The following C1orf94 variants were observed in gnomAD, a reference collection of about 807,000 sequenced individuals.
The protein encoded by C1orf94 is chromosome 1 open reading frame 94.
In C1orf94, 45 loss-of-function variants were observed where a neutral mutation model predicts 53.6. That is an observed-to-expected ratio of 0.84 (90% CI 0.66 to 1.08). The LOEUF (loss-of-function observed/expected upper bound fraction) is 1.08, where lower values mean the gene tolerates loss of function less well. Among genes scored for constraint, C1orf94 ranks in the 50% least tolerant of loss-of-function variants. The pLI, the probability that C1orf94 is intolerant of heterozygous loss-of-function variation, is 0.00. For missense variants in C1orf94, 762 were observed against 738.9 expected (o/e 1.03, Z -0.36); for synonymous variants, 304 against 296.1 (o/e 1.03, Z -0.27).
chr1:34,185,185 T>G (rs1237860064), intron 1 of C1orf94, among the ~76,000 whole-genome samples: 1 of 152,128 alleles, frequency 6.6e-6, no homozygotes. Context: ...TTTTTAAATT[T>G]ATTTTTATTT....
intron 4 of C1orf94, among the ~76,000 whole-genome samples, chr1:34,207,140 G>C (rs934013374): frequency 6.6e-6 from 1 of 152,314 alleles, no homozygotes; most frequent in Non-Finnish European, 1.5e-5. Flanking sequence ...CTTCTGAGAA[G>C]ATGTCCTGGG....
chr1:34,191,642 A>G (rs1479255634), intron 1 of C1orf94, among the ~76,000 whole-genome samples: 3 of 152,188 alleles, frequency 2.0e-5, no homozygotes, highest in Non-Finnish European at 2.9e-5. Context: ...TGCCTTGGGT[A>G]CTGTGTTTGT....
At chr1:34,171,988 T>C (rs1435874075), upstream of C1orf94, among the ~76,000 whole-genome samples, 1 of 152,222 alleles carries the variant, frequency 6.6e-6, no homozygotes. Flanking sequence ...TACTTTTTAA[T>C]CTGAAAGCTG....
chr1:34,184,511 T>C (rs945104539), intron 1 of C1orf94, among the ~76,000 whole-genome samples: 12 of 152,334 alleles, frequency 7.9e-5, no homozygotes, highest in African/African-American at 2.4e-4. Context: ...GGTAGGGAGA[T>C]AAATCTACTG....
chr1:34,199,613 T>G (rs1300880872), intron 2 of C1orf94, among the ~76,000 whole-genome samples: 1 of 152,206 alleles, frequency 6.6e-6, no homozygotes, highest in East Asian at 1.9e-4. Context: ...TCCAGACAGA[T>G]CCCGGTGCCT....
chr1:34,197,331 G>A lies in C1orf94; in HGVS notation c.427G>A (p.Glu143Lys). The change falls in exon 2 of 7, where the codon GAG becomes AAG. Residue 143 changes from glutamate to lysine, a missense_variant. Glu to Lys is a moderately conservative substitution (Grantham distance 56, BLOSUM62 1). Transcript: ENST00000488417. The surrounding 1 kb of genome is among the most constrained non-coding windows in gnomAD (Gnocchi z 4.1). ...GATCCTGGTCGAAGAGAGTTCTGGG[G>A]AGCTGGAGGTACCCGGCAGCTCTCC... The part of the protein sequence containing the change: ...HSILVEESSG[E>K]LEVPGSSPEG... 1 of 1,581,012 alleles carries A rather than the reference G, an allele frequency of 6.3e-7. No homozygotes were observed. Among genetic ancestry groups the A allele is most frequent in the Non-Finnish European group, 8.6e-7 (1 of 1,163,012 alleles).
At position 34,212,378 on chromosome 1, in the gene C1orf94, C is replaced by T. The variant is rs369216694; in HGVS notation, c.1693C>T (p.Pro565Ser). The T allele has an allele frequency of 8.7e-6, 14 of 1,611,168 alleles. No homozygotes were observed. In the African/African-American group the frequency reaches 9.4e-5, roughly 11 times the overall value. The stretch of plus-strand genomic sequence containing the variant: ...CCCTCCCCTAATGGCAGGAGATGGA[C>T]CGCAGTACCTCTTTCCCCAAGGATA... Reference protein sequence around the residue: ...RDPPLMAGDGPQYLFPQGYGF... With the variant: ...RDPPLMAGDGSQYLFPQGYGF... The change falls in exon 6 of 7, where the codon CCG (proline) becomes TCG (serine). Residue 565 changes from proline (P) to serine (S), a missense_variant. Physicochemically the swap from Pro to Ser is moderately conservative, Grantham distance 74. Transcript: ENST00000488417.
At chr1:34,212,728 C>T (rs1044192275) in intron 6 of C1orf94, among the ~76,000 whole-genome samples, 23 of 152,304 alleles carry the variant, frequency 1.5e-4, no homozygotes, top group African/African-American at 5.5e-4. Flanking sequence ...TGCCTTTACC[C>T]ATGTGCTTGG....
rs114956298 is a variant in C1orf94 at position 34,180,918 on chromosome 1, T to C, written c.320+2809T>C. Among the ~76,000 whole-genome samples, 930 of 152,322 alleles carry C rather than the reference T, an allele frequency of 6.1e-3. 7 individuals carry two copies. The highest frequency in any genetic ancestry group is 0.021 in the African/African-American group (891 of 41,570). ...GACATTTCAAATTTGAAAGAGATTT[T>C]TGAAGCCATCTTCCGCTGCTCGAAT... On this transcript the variant is annotated intron_variant, in intron 1 of 6. Coordinates refer to ENST00000488417, the MANE Select transcript of C1orf94 (RefSeq NM_001134734.2).
intron 1 of C1orf94, among the ~76,000 whole-genome samples, chr1:34,182,099 C>T (rs571741884): frequency 1.3e-5 from 2 of 152,068 alleles, no homozygotes; most frequent in East Asian, 1.9e-4. Flanking sequence ...GAGGGTGAAG[C>T]GAAAGGAACA....
chr1:34,190,474 C>T (rs1642463801), intron 1 of C1orf94, among the ~76,000 whole-genome samples: 1 of 152,226 alleles, frequency 6.6e-6, no homozygotes, highest in Non-Finnish European at 1.5e-5. Context: ...TTTCCCTCCT[C>T]ATGGTCTTTG....
intron 4 of C1orf94, among the ~76,000 whole-genome samples, chr1:34,205,783 A>G (rs1642782199): frequency 6.6e-6 from 1 of 152,088 alleles, no homozygotes; most frequent in Admixed American, 6.5e-5. Context: ...CCCAAATCCA[A>G]TTTACTCAGA....
At chr1:34,211,610 C>T (rs1246390299) in intron 5 of C1orf94, among the ~76,000 whole-genome samples, 2 of 152,190 alleles carry the variant, frequency 1.3e-5, no homozygotes, top group East Asian at 3.9e-4. Context: ...ATTCAAAACT[C>T]AGTTCCTCAT....
chr1:34,215,623 G>C (rs1642972150), intron 6 of C1orf94, among the ~76,000 whole-genome samples: 1 of 152,134 alleles, frequency 6.6e-6, no homozygotes, highest in Non-Finnish European at 1.5e-5. Context: ...ACGTGATGAT[G>C]GTTGAATGTG....
intron 6 of C1orf94, among the ~76,000 whole-genome samples, chr1:34,217,597 G>T (rs1354260675): frequency 1.3e-5 from 2 of 152,184 alleles, no homozygotes; most frequent in African/African-American, 4.8e-5. Flanking sequence ...TAAAGTCTCT[G>T]CTCTCTTGGC....
chr1:34,191,786 T>C (rs889472674), intron 1 of C1orf94, among the ~76,000 whole-genome samples: 2 of 152,202 alleles, frequency 1.3e-5, no homozygotes, highest in African/African-American at 4.8e-5. Context: ...CTCTGTGTTA[T>C]CATGTACACA....
chr1:34,177,743 A>T lies in C1orf94; in HGVS notation c.-47A>T. 1 of 1,481,828 alleles carries T rather than the reference A, an allele frequency of 6.7e-7. No individual in the cohort carries two copies. The highest frequency in any genetic ancestry group is 9.0e-7 in the Non-Finnish European group (1 of 1,108,386). 91.8% of individuals were successfully genotyped at this position (1,481,828 alleles called of 1,614,324 possible). A position where few individuals can be genotyped will look rare whatever the true frequency, so the allele number is the denominator to read the frequency against. On this transcript the variant is annotated 5_prime_UTR_variant, in exon 1 of 7. Coordinates refer to ENST00000488417, the MANE Select transcript of C1orf94 (RefSeq NM_001134734.2). ...CTTGCTGGAGCGAAAGCCAGACAGA[A>T]CTGACCCACTTCTGCCAAGCCCCAT...
At chr1:34,171,831 T>C (rs1045066414) in intron 1 of C1orf94, among the ~76,000 whole-genome samples, 8 of 152,240 alleles carry the variant, frequency 5.3e-5, no homozygotes, top group African/African-American at 1.9e-4. Flanking sequence ...CGTGTTTCCA[T>C]TTTTGCTTTA....
At chr1:34,170,439 A>G (rs1012041889) in intron 1 of C1orf94, among the ~76,000 whole-genome samples, 11 of 152,152 alleles carry the variant, frequency 7.2e-5, no homozygotes, top group African/African-American at 2.7e-4. Context: ...ACTTTCTAGG[A>G]AGAAAGCACA....
Sources: gnomAD v4.1 joint callset for allele counts (sites outside exome capture counted in the v4.1 genomes callset) on GRCh38, gnomAD v4.1.1 for gene constraint, Gnocchi (gnomAD v3.1) non-coding constraint, MANE v1.5 for transcripts, NCBI Gene and HGNC (gene_info 2026-07-23, HGNC 2026-07-21) for gene names.